The following CACNA1A variants were observed in gnomAD, a reference collection of about 807,000 sequenced individuals.
CACNA1A encodes voltage-dependent P/Q-type calcium channel subunit alpha-1A.
A neutral mutation model predicts 262.4 loss-of-function variants in CACNA1A; 57 were observed. The ratio of observed to expected loss-of-function variants is 0.22; its 90% CI spans 0.18 to 0.27. The LOEUF (loss-of-function observed/expected upper bound fraction) is 0.27. Among genes scored for constraint, CACNA1A ranks in the 10% least tolerant of loss-of-function variants. The probability of loss-of-function intolerance (pLI) is 1.00; values close to 1 mark genes in which losing one functional copy is unlikely to be tolerated. For missense variants in CACNA1A, 2,526 were observed against 3,562.8 expected (o/e 0.71, Z 7.41); for synonymous variants, 1,431 against 1,419.3 (o/e 1.01, Z -0.18).
At position 13,236,195 on chromosome 19, in the gene CACNA1A, C is replaced by T. The variant is rs4926239; in HGVS notation, c.4951-465G>A. Among the ~76,000 whole-genome samples the T allele has an allele frequency of 6.1e-5, 9 of 146,878 alleles. No homozygotes were observed. Among genetic ancestry groups the T allele is most frequent in the South Asian group, 4.3e-4 (2 of 4,700 alleles). Reference sequence around the variant, plus strand: ...AGTTGCGGAATCTATCATACGTGTACGATGCACAAACACCAGGGCGGGGGT... The same window carrying T: ...AGTTGCGGAATCTATCATACGTGTATGATGCACAAACACCAGGGCGGGGGT... On this transcript the variant is annotated intron_variant, in intron 31 of 46. Coordinates refer to ENST00000360228, the MANE Select transcript of CACNA1A (RefSeq NM_001127222.2). The surrounding 1 kb of genome is among the most constrained non-coding windows in gnomAD (Gnocchi z 4.6).
chr19:13,232,712 C>T (rs2055710609), intron 34 of CACNA1A, among the ~76,000 whole-genome samples: 2 of 138,270 alleles, frequency 1.4e-5, no homozygotes, highest in African/African-American at 5.5e-5. Flanking sequence ...GCCTGGGTGA[C>T]AAAGAGGGAG....
chr19:13,350,782 T>C (rs1414071876), intron 6 of CACNA1A, among the ~76,000 whole-genome samples: 1 of 152,078 alleles, frequency 6.6e-6, no homozygotes, highest in Non-Finnish European at 1.5e-5. Context: ...GGTGGGAGGA[T>C]CACTAGAGGC....
At chr19:13,222,857 GCTA>G (rs1950303839) in intron 38 of CACNA1A, among the ~76,000 whole-genome samples, 1 of 151,404 alleles carries the variant, frequency 6.6e-6, no homozygotes, top group African/African-American at 2.4e-5. Flanking sequence ...ATGACACCCG[GCTA>G]CTTTTTGTAT....
intron 22 of CACNA1A, among the ~76,000 whole-genome samples, chr19:13,282,103 C>A (rs2057306121): frequency 2.0e-5 from 3 of 152,262 alleles, no homozygotes; most frequent in African/African-American, 7.2e-5. Flanking sequence ...CTGGCTCTAG[C>A]TTCCTCCAGG....
chr19:13,249,073 A>G (rs2056327726), intron 30 of CACNA1A, among the ~76,000 whole-genome samples: 1 of 152,108 alleles, frequency 6.6e-6, no homozygotes, highest in African/African-American at 2.4e-5. Flanking sequence ...AGCTCAAGTA[A>G]TCCTCCTGCC....
At chr19:13,480,438 T>C (rs1979139550) in intron 1 of CACNA1A, among the ~76,000 whole-genome samples, 2 of 152,254 alleles carry the variant, frequency 1.3e-5, no homozygotes. Flanking sequence ...ATATAATGCA[T>C]ATAACATATA....
At chr19:13,221,616 C>T (rs567956731) in intron 38 of CACNA1A, among the ~76,000 whole-genome samples, 8 of 152,180 alleles carry the variant, frequency 5.3e-5, no homozygotes, top group South Asian at 2.1e-4. Context: ...TTCGGGCCTC[C>T]GAAATGCACT....
chr19:13,301,120 A>T (rs1432910024), intron 17 of CACNA1A, among the ~76,000 whole-genome samples: 3 of 140,994 alleles, frequency 2.1e-5, no homozygotes, highest in Admixed American at 7.1e-5. Flanking sequence ...TATACATTTA[A>T]TTTTTTTTTT....
intron 17 of CACNA1A, among the ~76,000 whole-genome samples, chr19:13,300,876 C>T (rs1203381561): frequency 1.3e-5 from 2 of 152,158 alleles, no homozygotes; most frequent in Admixed American, 6.5e-5. Flanking sequence ...TTTTAACACA[C>T]AGCCAGATAA....
chr19:13,281,735 C>T (rs2057296571), intron 22 of CACNA1A, among the ~76,000 whole-genome samples: 1 of 152,178 alleles, frequency 6.6e-6, no homozygotes. Context: ...ATTTCTTGCC[C>T]TGGATGGTGG....
intron 10 of CACNA1A, 31 bp from the exon 11 acceptor site, chr19:13,317,352 T>C (rs554258087): frequency 3.9e-6 from 6 of 1,556,866 alleles, no homozygotes; most frequent in Non-Finnish European, 5.3e-6. Context: ...AATGTCAGGC[T>C]CAGGCTGTTC....
intron 10 of CACNA1A, among the ~76,000 whole-genome samples, chr19:13,323,011 C>T (rs913110018): frequency 1.3e-5 from 2 of 152,186 alleles, no homozygotes; most frequent in East Asian, 3.8e-4. Flanking sequence ...GTGTCTCACA[C>T]CTGTAATCCC....
At chr19:13,408,529 T>C (rs1261360614) in intron 3 of CACNA1A, among the ~76,000 whole-genome samples, 1 of 152,232 alleles carries the variant, frequency 6.6e-6, no homozygotes, top group Non-Finnish European at 1.5e-5. Flanking sequence ...TCCTTTCATG[T>C]GGCACTAACA....
intron 19 of CACNA1A, among the ~76,000 whole-genome samples, chr19:13,293,751 C>T (rs529447220): frequency 3.3e-5 from 5 of 151,508 alleles, no homozygotes; most frequent in South Asian, 2.1e-4. Flanking sequence ...CCACCGCGCC[C>T]GGCTCAGTTA....
chr19:13,247,713 A>AAAATAAATAAATAAATAAAT (rs144467626), intron 30 of CACNA1A, among the ~76,000 whole-genome samples: 73 of 146,710 alleles, frequency 5.0e-4, no homozygotes, highest in Admixed American at 1.6e-3. Flanking sequence ...TAAATAAATA[A>AAAATAAATAAATAAATAAAT]AAATAAATAA....
chr19:13,300,884 T>A (rs186823114), intron 17 of CACNA1A, among the ~76,000 whole-genome samples: 110 of 152,234 alleles, frequency 7.2e-4, no homozygotes, highest in Admixed American at 1.0e-3. Flanking sequence ...CACAGCCAGA[T>A]AACAAAAAAT....
intron 30 of CACNA1A, chr19:13,252,764 C>A (rs985348834): frequency 2.3e-5 from 8 of 343,818 alleles, no homozygotes; most frequent in Non-Finnish European, 4.2e-5. Context: ...TTTTGAGGAA[C>A]TGGATACATA....
chr19:13,254,487 C>T (rs1397797483), intron 29 of CACNA1A, among the ~76,000 whole-genome samples: 2 of 151,920 alleles, frequency 1.3e-5, no homozygotes, highest in Admixed American at 6.6e-5. Context: ...CTCAGCCTCC[C>T]GAGTAGCTGG....
chr19:13,504,063 G>A (rs1004096245), intron 1 of CACNA1A, among the ~76,000 whole-genome samples: 1 of 151,992 alleles, frequency 6.6e-6, no homozygotes, highest in Non-Finnish European at 1.5e-5. Flanking sequence ...CCAGGCTCCA[G>A]AAGGCGATCT....
Sources: gnomAD v4.1 joint callset for allele counts (sites outside exome capture counted in the v4.1 genomes callset) on GRCh38, gnomAD v4.1.1 for gene constraint, Gnocchi (gnomAD v3.1) non-coding constraint, MANE v1.5 for transcripts, NCBI Gene and HGNC (gene_info 2026-07-23, HGNC 2026-07-21) for gene names.